Variants in NALCN observed in about 807,000 individuals in gnomAD.
The protein encoded by NALCN is sodium leak channel NALCN.
Under a neutral mutation model 225.3 loss-of-function variants are expected in NALCN, and 111 were observed. The ratio of observed to expected loss-of-function variants is 0.49; its 90% CI spans 0.42 to 0.58. The LOEUF (loss-of-function observed/expected upper bound fraction) is 0.58, where lower values mean the gene tolerates loss of function less well. Among genes scored for constraint, NALCN ranks in the 20% least tolerant of loss-of-function variants. The probability of loss-of-function intolerance (pLI) is 0.00; values close to 1 mark genes in which losing one functional copy is unlikely to be tolerated. For missense variants in NALCN, 1,378 were observed against 2,202.4 expected, an observed-to-expected ratio of 0.63 and a Z score of 7.49; for synonymous variants, 764 against 769.0, an observed-to-expected ratio of 0.99 and a Z score of 0.11.
intron 28 of NALCN, among the ~76,000 whole-genome samples, chr13:101,090,208 TA>T (rs2034156512): frequency 6.6e-6 from 1 of 152,202 alleles, no homozygotes; most frequent in Admixed American, 6.5e-5. Context: ...CAATGTGTTA[TA>T]ATTGATTGTG....
chr13:101,279,795 C>A (rs368941577), intron 10 of NALCN, among the ~76,000 whole-genome samples: 10 of 146,416 alleles, frequency 6.8e-5, no homozygotes, highest in Non-Finnish European at 1.3e-4. Flanking sequence ...CCAGCCTGGG[C>A]GACAGAGCGA....
chr13:101,408,229 C>A (rs1275142669), intron 1 of NALCN, among the ~76,000 whole-genome samples: 7 of 152,156 alleles, frequency 4.6e-5, no homozygotes, highest in African/African-American at 4.8e-5. Context: ...GCCTATTCCA[C>A]GTCTAAGTAA....
intron 7 of NALCN, among the ~76,000 whole-genome samples, chr13:101,317,617 T>C (rs1388807427): frequency 1.3e-5 from 2 of 152,196 alleles, no homozygotes; most frequent in Non-Finnish European, 2.9e-5. Context: ...TTCCTCCATA[T>C]AACCAATTAA....
intron 15 of NALCN, among the ~76,000 whole-genome samples, chr13:101,160,288 T>C (rs1049459181): frequency 2.6e-5 from 4 of 152,226 alleles, no homozygotes; most frequent in Non-Finnish European, 5.9e-5. Flanking sequence ...AGGTCCCTTC[T>C]AAATTTCCTT....
chr13:101,169,418 T>A (rs557440393), intron 15 of NALCN, among the ~76,000 whole-genome samples: 2 of 152,364 alleles, frequency 1.3e-5, no homozygotes, highest in South Asian at 4.1e-4. Flanking sequence ...TTACACAGGC[T>A]TACATGTGCC....
intron 3 of NALCN, among the ~76,000 whole-genome samples, chr13:101,388,934 G>A (rs777522382): frequency 1.3e-5 from 2 of 152,200 alleles, no homozygotes; most frequent in African/African-American, 2.4e-5. Flanking sequence ...GCCATTCATG[G>A]CCCTCTAGTG....
rs544959765 is a variant in NALCN at position 101,314,319 on chromosome 13, TA to T, written c.800-21954del. On this transcript the variant is annotated intron_variant, in intron 7 of 43. Transcript: ENST00000251127. The stretch of plus-strand genomic sequence containing the variant: ...TAAAACTTAAAGTATAATAATAAAA[TA>T]AAAAAATGTATATAGGGAATGATTA... Among the ~76,000 whole-genome samples the T allele has an allele frequency of 1.4e-3, 212 of 151,718 alleles. 2 individuals are homozygous for T. The highest frequency in any genetic ancestry group is 4.6e-3 in the African/African-American group (190 of 41,362).
chr13:101,193,527 T>C (rs985573208), intron 13 of NALCN, among the ~76,000 whole-genome samples: 4 of 152,200 alleles, frequency 2.6e-5, no homozygotes, highest in Non-Finnish European at 4.4e-5. Context: ...TATTTTTACC[T>C]TGAGTTGATT....
intron 10 of NALCN, among the ~76,000 whole-genome samples, chr13:101,282,944 AG>A (rs2043215463): frequency 6.6e-6 from 1 of 152,136 alleles, no homozygotes; most frequent in Non-Finnish European, 1.5e-5. Context: ...CCCTATCTGG[AG>A]AAAGACCCAA....
intron 13 of NALCN, among the ~76,000 whole-genome samples, chr13:101,195,446 T>C (rs1194211504): frequency 6.6e-6 from 1 of 152,224 alleles, no homozygotes; most frequent in Non-Finnish European, 1.5e-5. Context: ...TAAAAAGACT[T>C]CTCTCACTGC....
chr13:101,105,493 C>G (rs553517870), intron 22 of NALCN, among the ~76,000 whole-genome samples: 1 of 152,066 alleles, frequency 6.6e-6, no homozygotes, highest in South Asian at 2.1e-4. Flanking sequence ...GTGTATGTGT[C>G]CCCAATTACA....
chr13:101,300,367 T>TTTCC lies in NALCN; in HGVS notation c.800-8005_800-8002dup, dbSNP rs71121182. Among the ~76,000 whole-genome samples the TTTCC allele has an allele frequency of 5.6e-3, 573 of 101,696 alleles. 3 individuals carry two copies. Among genetic ancestry groups the TTTCC allele is most frequent in the African/African-American group, 0.019 (458 of 24,024 alleles). The allele number at this position is 101,696 out of a possible 152,430, so 66.7% of individuals were successfully genotyped here. A position where few individuals can be genotyped will look rare whatever the true frequency, so the allele number is the denominator to read the frequency against. On this transcript the variant is annotated intron_variant, in intron 7 of 43. Coordinates refer to ENST00000251127, the MANE Select transcript of NALCN (RefSeq NM_052867.4). ...TTTCTTTTTCTTCTTTCTTTCTTTC[T>TTTCC]TTCCTTCCTTCCTTCCTTCCTTCCT...
chr13:101,343,433 C>T (rs911527980), intron 7 of NALCN, among the ~76,000 whole-genome samples: 1 of 152,086 alleles, frequency 6.6e-6, no homozygotes, highest in East Asian at 1.9e-4. Context: ...AAAAGAACAA[C>T]AAGAAAACAA....
chr13:101,142,955 G>T, intron 17 of NALCN, 125 bp downstream of exon 17: 1 of 1,298,510 alleles, frequency 7.7e-7, no homozygotes, highest in Non-Finnish European at 1.1e-6. Flanking sequence ...TTTTACAAAT[G>T]AAATCATTTT....
chr13:101,252,372 G>T (rs936433925), intron 11 of NALCN, among the ~76,000 whole-genome samples: 1 of 152,146 alleles, frequency 6.6e-6, no homozygotes, highest in Admixed American at 6.5e-5. Flanking sequence ...TATTTCCTGT[G>T]GGGGACTAAG....
intron 25 of NALCN, 74 bp from the exon 26 acceptor site, chr13:101,103,413 G>A: frequency 6.7e-7 from 1 of 1,495,872 alleles, no homozygotes; most frequent in Non-Finnish European, 8.9e-7. Context: ...ACAGCCGACT[G>A]GCCACAACTT....
chr13:101,256,344 G>A (rs909339626), intron 11 of NALCN, among the ~76,000 whole-genome samples: 1 of 152,004 alleles, frequency 6.6e-6, no homozygotes, highest in Non-Finnish European at 1.5e-5. Flanking sequence ...AGAAACCACA[G>A]GGTCATCATT....
intron 15 of NALCN, among the ~76,000 whole-genome samples, chr13:101,153,202 T>C (rs2037737172): frequency 6.6e-6 from 1 of 152,226 alleles, no homozygotes; most frequent in African/African-American, 2.4e-5. Flanking sequence ...AAAATGAGGA[T>C]CTTTAGTCTT....
Position 101,054,383 on chromosome 13 carries a change from A to C in NALCN, c.*912T>G, listed in dbSNP as rs1358417167. On this transcript the variant is annotated 3_prime_UTR_variant, in exon 44 of 44. Transcript: ENST00000251127. ...GTGTGTTAGGATCACCCAGAATGAA[A>C]TGACTCTGCTGATTTATGGCAAAAC... The C allele has an allele frequency of 1.3e-5, 2 of 152,222 alleles. No individual in the cohort carries two copies. The highest frequency in any genetic ancestry group is 2.9e-5 in the Non-Finnish European group (2 of 68,036). 9.4% of individuals were successfully genotyped at this position (152,222 alleles called of 1,614,324 possible). A position where few individuals can be genotyped will look rare whatever the true frequency, so the allele number is the denominator to read the frequency against.
Sources: allele counts gnomAD v4.1 joint callset (sites outside exome capture counted in the v4.1 genomes callset), GRCh38; gene constraint gnomAD v4.1.1; transcripts MANE v1.5; gene names NCBI Gene and HGNC (gene_info 2026-07-23, HGNC 2026-07-21).